Variants in DMRT1 observed in about 807,000 individuals in gnomAD.
DMRT1 encodes doublesex- and mab-3-related transcription factor 1.
Under a neutral mutation model 32.3 loss-of-function variants are expected in DMRT1, and 7 were observed. The observed-to-expected ratio is 0.22, with a 90% CI of 0.12 to 0.41. DMRT1 has a LOEUF of 0.41. Among genes scored for constraint, DMRT1 ranks in the 10% least tolerant of loss-of-function variants. The pLI, the probability that DMRT1 is intolerant of heterozygous loss-of-function variation, is 1.00. For missense variants in DMRT1, 625 were observed against 500.5 expected (o/e 1.25, Z -2.37); for synonymous variants, 278 against 206.1 (o/e 1.35, Z -2.99).
chr9:902,190 G>A (rs886478504), intron 3 of DMRT1, among the ~76,000 whole-genome samples: 13 of 151,564 alleles, frequency 8.6e-5, no homozygotes, highest in African/African-American at 1.7e-4. Flanking sequence ...GATTACAGGC[G>A]TGAGCCACCG....
intron 3 of DMRT1, among the ~76,000 whole-genome samples, chr9:911,388 T>C (rs1474422504): frequency 6.6e-6 from 1 of 151,986 alleles, no homozygotes; most frequent in Admixed American, 6.6e-5. Flanking sequence ...AGGGTTGTGA[T>C]TTTCTTTTTA....
intron 4 of DMRT1, among the ~76,000 whole-genome samples, chr9:958,190 T>C (rs926607939): frequency 1.3e-5 from 2 of 152,166 alleles, no homozygotes; most frequent in Admixed American, 1.3e-4. Flanking sequence ...TTGAAGAATA[T>C]GAGTCTCCCA....
At chr9:885,174 G>C (rs1177167519) in intron 2 of DMRT1, among the ~76,000 whole-genome samples, 2 of 152,136 alleles carry the variant, frequency 1.3e-5, no homozygotes, top group Non-Finnish European at 2.9e-5. Context: ...AGTGTCTAGG[G>C]GTGAATGTTT....
At chr9:863,401 C>G (rs1271489003) in intron 2 of DMRT1, among the ~76,000 whole-genome samples, 4 of 151,394 alleles carry the variant, frequency 2.6e-5, no homozygotes, top group South Asian at 4.2e-4. Context: ...ACAGAAGACA[C>G]AGGAGAGTTT....
rs772628134 is a variant in DMRT1 at position 894,107 on chromosome 9, G to A, written c.734G>A (p.Gly245Glu). ...GCTGATTCTGCTTCTGGGGAGGTGG[G>A]AAATCCCCTCGGGGGATCCCCTGTG... is the stretch of plus-strand genomic sequence containing the variant. ...LAADSASGEV[G>E]NPLGGSPVKN... Residue 245 changes from glycine (G) to glutamate (E), a missense_variant, in exon 3 of 5, where the codon GGA becomes GAA. Physicochemically the swap from Gly to Glu is moderately conservative, Grantham distance 98. This residue lies in a region of DMRT1 where 416 missense variants were observed against 321.6 expected (regional missense o/e 1.29). Coordinates refer to ENST00000382276, the MANE Select transcript of DMRT1 (RefSeq NM_021951.3). The A allele has an allele frequency of 6.2e-7, 1 of 1,614,246 alleles. No individual in the cohort carries two copies. Among genetic ancestry groups the A allele is most frequent in the Non-Finnish European group, 8.5e-7 (1 of 1,180,042 alleles).
At chr9:932,727 G>C (rs549075012) in intron 4 of DMRT1, among the ~76,000 whole-genome samples, 2 of 152,008 alleles carry the variant, frequency 1.3e-5, no homozygotes, top group Non-Finnish European at 2.9e-5. Context: ...CTACCCAGCT[G>C]GCTACAAATT....
intron 3 of DMRT1, among the ~76,000 whole-genome samples, chr9:915,396 C>G (rs1433078123): frequency 6.6e-6 from 1 of 152,162 alleles, no homozygotes; most frequent in Non-Finnish European, 1.5e-5. Flanking sequence ...AATCAGGAAG[C>G]CACAGGGAAT....
intron 3 of DMRT1, among the ~76,000 whole-genome samples, chr9:897,845 C>T (rs1244038602): frequency 1.3e-5 from 2 of 152,086 alleles, no homozygotes; most frequent in Non-Finnish European, 2.9e-5. Context: ...TAACTATTAT[C>T]AAAAGACTGA....
intron 1 of DMRT1, among the ~76,000 whole-genome samples, chr9:845,780 C>T (rs1413888613): frequency 1.4e-5 from 2 of 143,906 alleles, no homozygotes; most frequent in Non-Finnish European, 3.1e-5. Flanking sequence ...ACCCTGCCTG[C>T]CTTTCCTGCC....
At chr9:864,819 C>T (rs74810039) in intron 2 of DMRT1, among the ~76,000 whole-genome samples, 1 of 152,124 alleles carries the variant, frequency 6.6e-6, no homozygotes, top group African/African-American at 2.4e-5. Flanking sequence ...CTTTTAACTT[C>T]TATTCCTCAG....
chr9:849,433 C>T (rs1353272965), intron 2 of DMRT1, among the ~76,000 whole-genome samples: 3 of 152,144 alleles, frequency 2.0e-5, no homozygotes, highest in African/African-American at 7.2e-5. Context: ...CAGGGAAAGG[C>T]CAGTGACGGA....
chr9:931,150 A>T (rs1818713225), intron 4 of DMRT1, among the ~76,000 whole-genome samples: 1 of 152,212 alleles, frequency 6.6e-6, no homozygotes, highest in South Asian at 2.1e-4. Flanking sequence ...TTCATTTAGC[A>T]TAATATTTTC....
chr9:868,420 T>A (rs554506813), intron 2 of DMRT1, among the ~76,000 whole-genome samples: 2 of 152,280 alleles, frequency 1.3e-5, no homozygotes, highest in South Asian at 4.1e-4. Flanking sequence ...AAAACAAAAT[T>A]CACAGAATTC....
chr9:935,612 G>T (rs995052801), intron 4 of DMRT1, among the ~76,000 whole-genome samples: 1 of 152,220 alleles, frequency 6.6e-6, no homozygotes, highest in Admixed American at 6.5e-5. Flanking sequence ...ATCAGCACTT[G>T]CCTGAGGCTG....
At chr9:860,967 C>T (rs1815632431) in intron 2 of DMRT1, among the ~76,000 whole-genome samples, 3 of 151,440 alleles carry the variant, frequency 2.0e-5, no homozygotes, top group African/African-American at 7.3e-5. Context: ...GTGTATACCA[C>T]GGAAAGGGTT....
rs1819897105 is a variant in DMRT1, at chr9:965,274, G to C, written c.968-2711G>C. Among the ~76,000 whole-genome samples the C allele has an allele frequency of 6.6e-6, 1 of 152,118 alleles. No homozygotes were observed. Among genetic ancestry groups the C allele is most frequent in the African/African-American group, 2.4e-5 (1 of 41,420 alleles). On this transcript the variant is annotated intron_variant, in intron 4 of 4. Transcript: ENST00000382276. This position sits in a 1 kb window ranked among gnomAD's most constrained non-coding sequence, Gnocchi z 4.5. Reference sequence around the variant, plus strand: ...GCCTATTATTTAAAAACAATGCTAAGCCTTGAACAAATGTAAAAATAGCAT... The same window carrying C: ...GCCTATTATTTAAAAACAATGCTAACCCTTGAACAAATGTAAAAATAGCAT...
chr9:933,662 A>G (rs1371389062), intron 4 of DMRT1, among the ~76,000 whole-genome samples: 1 of 152,194 alleles, frequency 6.6e-6, no homozygotes, highest in Non-Finnish European at 1.5e-5. Context: ...TTTAAATTTT[A>G]ATTACAATGG....
rs1819904369 is a variant in DMRT1 at position 965,479 on chromosome 9, G to T, written c.968-2506G>T. Among the ~76,000 whole-genome samples, 1 of 152,188 alleles carries T rather than the reference G, an allele frequency of 6.6e-6. No homozygotes were observed. Among genetic ancestry groups the T allele is most frequent in the Non-Finnish European group, 1.5e-5 (1 of 68,030 alleles). Reference sequence around the variant, plus strand: ...CCCACGTCGCAAGAGCACTTTCCAAGAAAATATTCATAAGGCAAGTTAGAG... The same window carrying T: ...CCCACGTCGCAAGAGCACTTTCCAATAAAATATTCATAAGGCAAGTTAGAG... On this transcript the variant is annotated intron_variant, in intron 4 of 4. Coordinates refer to ENST00000382276, the MANE Select transcript of DMRT1 (RefSeq NM_021951.3). This position sits in a 1 kb window ranked among gnomAD's most constrained non-coding sequence, Gnocchi z 4.5.
At chr9:886,288 C>G (rs1476687999) in intron 2 of DMRT1, among the ~76,000 whole-genome samples, 1 of 152,162 alleles carries the variant, frequency 6.6e-6, no homozygotes, top group African/African-American at 2.4e-5. Flanking sequence ...CGGAGTCTCG[C>G]TCTGTCACCC....
Sources: gnomAD v4.1 joint callset for allele counts (sites outside exome capture counted in the v4.1 genomes callset) on GRCh38, gnomAD v4.1.1 for gene constraint, gnomAD v4.1.1 regional missense constraint, Gnocchi (gnomAD v3.1) non-coding constraint, MANE v1.5 for transcripts, NCBI Gene and HGNC (gene_info 2026-07-23, HGNC 2026-07-21) for gene names.